ZC3H3: variants seen among roughly 807,000 people sequenced by gnomAD.
ZC3H3 encodes zinc finger CCCH-type containing 3, also known as zinc finger CCCH domain-containing protein 3.
A neutral mutation model predicts 77.3 loss-of-function variants in ZC3H3; 36 were observed. The ratio of observed to expected loss-of-function variants is 0.47; its 90% confidence interval spans 0.36 to 0.61. The LOEUF (loss-of-function observed/expected upper bound fraction) is 0.61. Ranked by LOEUF, ZC3H3 falls within the 20% of genes least tolerant of loss-of-function variation. The pLI is 0.00. For missense variants in ZC3H3, 1,331 were observed against 1,312.2 expected (o/e 1.01, Z -0.22); for synonymous variants, 626 against 555.2 (o/e 1.13, Z -1.79).
At chr8:143,483,972 G>A (rs997235385) in intron 4 of ZC3H3, among the ~76,000 whole-genome samples, 4 of 152,250 alleles carry the variant, frequency 2.6e-5, no homozygotes, top group African/African-American at 9.6e-5. Context: ...TGGCTTTCCA[G>A]GATACACCTT....
chr8:143,473,445 A>G (rs1168395190), intron 5 of ZC3H3, among the ~76,000 whole-genome samples: 1 of 152,178 alleles, frequency 6.6e-6, no homozygotes, highest in Non-Finnish European at 1.5e-5. Context: ...CTCTCCCTGC[A>G]CTAGGGACGT....
At chr8:143,469,652 G>A (rs1171161359) in intron 5 of ZC3H3, among the ~76,000 whole-genome samples, 2 of 152,114 alleles carry the variant, frequency 1.3e-5, no homozygotes, top group African/African-American at 4.8e-5. Context: ...ATGGCCGAGT[G>A]CTGCCAGGCC....
intron 4 of ZC3H3, among the ~76,000 whole-genome samples, chr8:143,496,338 C>G (rs994433714): frequency 6.6e-6 from 1 of 152,206 alleles, no homozygotes; most frequent in Non-Finnish European, 1.5e-5. Context: ...CCACTGCCCC[C>G]CAAGGAGCCG....
intron 5 of ZC3H3, among the ~76,000 whole-genome samples, chr8:143,471,739 T>A (rs1334949569): frequency 6.6e-6 from 1 of 151,990 alleles, no homozygotes; most frequent in Non-Finnish European, 1.5e-5. Flanking sequence ...GCCCAGGGGG[T>A]CAGCCAGGAC....
intron 3 of ZC3H3, among the ~76,000 whole-genome samples, chr8:143,516,783 G>A (rs1036428142): frequency 3.3e-5 from 5 of 152,180 alleles, no homozygotes; most frequent in Admixed American, 6.5e-5. Context: ...TCCTGGCCTC[G>A]CGTCCCTGGG....
At chr8:143,446,126 T>C (rs1387046981) in intron 9 of ZC3H3, among the ~76,000 whole-genome samples, 1 of 152,082 alleles carries the variant, frequency 6.6e-6, no homozygotes, top group African/African-American at 2.4e-5. Flanking sequence ...GGCCAGGCGC[T>C]GTGGCAAAAT....
chr8:143,474,933 C>T (rs1188862162), intron 5 of ZC3H3, among the ~76,000 whole-genome samples: 3 of 152,198 alleles, frequency 2.0e-5, no homozygotes, highest in Non-Finnish European at 4.4e-5. Flanking sequence ...CCCAGGTGTG[C>T]GCTCGCCCGG....
Position 143,457,551 on chromosome 8 carries a change from C to T in ZC3H3, c.2307+8166G>A, listed in dbSNP as rs138004837. 6.6e-3 allele frequency among the ~76,000 whole-genome samples: 897 copies of T among 136,778 alleles called. 4 individuals carry two copies. Among genetic ancestry groups the T allele is most frequent in the Non-Finnish European group, 8.4e-3 (532 of 63,266 alleles). 89.7% of individuals were successfully genotyped at this position (136,778 alleles called of 152,430 possible). A position where few individuals can be genotyped will look rare whatever the true frequency, so the allele number is the denominator to read the frequency against. On this transcript the variant is annotated intron_variant, in intron 9 of 11. Transcript: ENST00000262577. ...TTTGAGACCAACCTGGGCAACATAG[C>T]GAGACCTCATCCCTATAAAAAAATA...
Position 143,530,748 on chromosome 8 carries a change from C to T in ZC3H3, c.1561+5509G>A, listed in dbSNP as rs2130495748. On this transcript the variant is annotated intron_variant, in intron 3 of 11. Transcript: ENST00000262577. This position sits in a 1 kb window ranked among gnomAD's most constrained non-coding sequence, Gnocchi z 4.3. ...TGCTCAGCCGTGTGTACTGTAAACA[C>T]TGTACTCGAGAACACTGATTGCCAC... Among the ~76,000 whole-genome samples, 1 of 152,292 alleles carries T rather than the reference C, an allele frequency of 6.6e-6. No homozygotes were observed. Among genetic ancestry groups the T allele is most frequent in the African/African-American group, 2.4e-5 (1 of 41,544 alleles).
At chr8:143,527,996 G>A (rs564988354) in intron 3 of ZC3H3, among the ~76,000 whole-genome samples, 1 of 152,192 alleles carries the variant, frequency 6.6e-6, no homozygotes, top group African/African-American at 2.4e-5. Context: ...TCCGGCAAAG[G>A]TCCAGGCCTC....
chr8:143,517,555 C>T (rs7821816), intron 3 of ZC3H3, among the ~76,000 whole-genome samples: 2,439 of 152,234 alleles, frequency 0.016, 61 homozygotes, highest in African/African-American at 0.055. Context: ...CACCCAGCCT[C>T]GGTCCCCACT....
chr8:143,440,561 C>T (rs1217588742), intron 10 of ZC3H3, among the ~76,000 whole-genome samples, 198 bp from the exon 11 acceptor site: 1 of 152,172 alleles, frequency 6.6e-6, no homozygotes, highest in Admixed American at 6.5e-5. Context: ...CCACACCGAG[C>T]CTGCCCCTCA....
At chr8:143,514,400 T>C (rs573437425) in intron 3 of ZC3H3, among the ~76,000 whole-genome samples, 23 of 152,268 alleles carry the variant, frequency 1.5e-4, no homozygotes, top group African/African-American at 3.6e-4. Context: ...CCTGGAGCCA[T>C]TGGCCCACCC....
intron 4 of ZC3H3, among the ~76,000 whole-genome samples, chr8:143,478,629 C>A (rs1490530495): frequency 6.6e-6 from 1 of 152,242 alleles, no homozygotes; most frequent in African/African-American, 2.4e-5. Context: ...CCTGCCTCAG[C>A]CTCCAGAGTA....
At chr8:143,442,762 A>G (rs534569185) in intron 9 of ZC3H3, among the ~76,000 whole-genome samples, 1 of 152,324 alleles carries the variant, frequency 6.6e-6, no homozygotes, top group South Asian at 2.1e-4. Context: ...AAATAATGTA[A>G]AATGCACATT....
intron 4 of ZC3H3, among the ~76,000 whole-genome samples, chr8:143,506,920 C>T (rs1207213408): frequency 1.3e-5 from 2 of 152,246 alleles, no homozygotes; most frequent in Non-Finnish European, 2.9e-5. Flanking sequence ...CGTGGCTGCT[C>T]GCCCTGAGGC....
intron 8 of ZC3H3, 91 bp from the exon 9 acceptor site, chr8:143,465,939 A>G: frequency 6.1e-6 from 9 of 1,485,296 alleles, no homozygotes; most frequent in East Asian, 2.4e-5. Flanking sequence ...GCCCCGCCCG[A>G]GAGAGAAATG....
intron 4 of ZC3H3, chr8:143,484,956 A>T (rs1376328352): frequency 4.6e-6 from 2 of 434,790 alleles, no homozygotes; most frequent in African/African-American, 2.0e-5. Context: ...ATCTGCAAAA[A>T]CCACGGGAAA....
chr8:143,483,118 T>C (rs1417334285), intron 4 of ZC3H3, among the ~76,000 whole-genome samples: 1 of 151,224 alleles, frequency 6.6e-6, no homozygotes, highest in Non-Finnish European at 1.5e-5. Flanking sequence ...GAGCGGGGAG[T>C]GCGAAGTCAG....
Sources: allele counts gnomAD v4.1 joint callset (sites outside exome capture counted in the v4.1 genomes callset), GRCh38; gene constraint gnomAD v4.1.1; non-coding constraint Gnocchi (gnomAD v3.1); transcripts MANE v1.5; gene names NCBI Gene and HGNC (gene_info 2026-07-23, HGNC 2026-07-21).